MSH4: variants seen among roughly 807,000 people sequenced by gnomAD.
The protein encoded by MSH4 is mutS protein homolog 4.
A neutral mutation model predicts 113.7 loss-of-function variants in MSH4; 106 were observed. The observed-to-expected ratio is 0.93, with a 90% CI of 0.80 to 1.10. The LOEUF (loss-of-function observed/expected upper bound fraction) is 1.10. Among genes scored for constraint, MSH4 ranks in the 50% least tolerant of loss-of-function variants. The pLI is 0.00. For synonymous variants in MSH4, 368 were observed against 380.2 expected (o/e 0.97, Z 0.37); for missense variants, 1,061 against 1,093.7 (o/e 0.97, Z 0.42).
Position 75,876,442 on chromosome 1 carries a change from CTCT to C in MSH4, c.1306-486_1306-484del, listed in dbSNP as rs1651819520. Among the ~76,000 whole-genome samples, 3 of 152,134 alleles carry C rather than the reference CTCT, an allele frequency of 2.0e-5. No homozygotes were observed. In the South Asian group the frequency reaches 6.2e-4, roughly 32 times the overall value. On this transcript the variant is annotated intron_variant, in intron 9 of 19. Transcript: ENST00000263187. ...ATAATGGCCAGGCTAAATATGCTTT[CTCT>C]TCTTCTTTTCTGTTTATTTAGTTAG...
intron 9 of MSH4, among the ~76,000 whole-genome samples, chr1:75,875,097 T>C (rs2100567640): frequency 1.3e-5 from 2 of 152,180 alleles, no homozygotes; most frequent in East Asian, 3.9e-4. Flanking sequence ...TTTCGCCATG[T>C]TGGCCACACT....
At chr1:75,880,816 GAA>G (rs1263245949) in intron 13 of MSH4, among the ~76,000 whole-genome samples, 1 of 151,824 alleles carries the variant, frequency 6.6e-6, no homozygotes, top group Non-Finnish European at 1.5e-5. Flanking sequence ...GAACGAGAGA[GAA>G]AGAAAAAATG....
intron 4 of MSH4, among the ~76,000 whole-genome samples, chr1:75,813,408 G>A (rs1223101018): frequency 1.3e-5 from 2 of 152,166 alleles, no homozygotes; most frequent in Non-Finnish European, 2.9e-5. Context: ...CTTAAGAATA[G>A]AGAAGTCAGA....
At chr1:75,907,689 C>CATACATATATATATATATAT (rs1652694198) in intron 19 of MSH4, among the ~76,000 whole-genome samples, 1 of 78,622 alleles carries the variant, frequency 1.3e-5, no homozygotes, top group African/African-American at 5.9e-5. Context: ...TCTCTCTATA[C>CATACATATATATATATATAT]ATATATATAT....
At chr1:75,833,494 A>G (rs1029827754) in intron 7 of MSH4, among the ~76,000 whole-genome samples, 34 of 152,182 alleles carry the variant, frequency 2.2e-4, no homozygotes, top group African/African-American at 8.0e-4. Context: ...CCTAAACCAA[A>G]AGAACAAAGA....
At chr1:75,859,850 T>C (rs1651412815) in intron 8 of MSH4, among the ~76,000 whole-genome samples, 1 of 152,210 alleles carries the variant, frequency 6.6e-6, no homozygotes, top group Non-Finnish European at 1.5e-5. Flanking sequence ...TGTCTAATAT[T>C]GACAGTGGTG....
Position 75,867,549 on chromosome 1 carries a change from A to T in MSH4, c.1266A>T (p.Ile422=). The change falls in exon 9 of 20, where the codon ATA becomes ATT. Residue 422 remains isoleucine (I), a synonymous_variant. Coordinates refer to ENST00000263187, the MANE Select transcript of MSH4 (RefSeq NM_002440.4). ...NAAESKITNL[I]YLKHTLELVD... is the part of the protein sequence containing the mutation. ...CTGAATCAAAGATAACAAATTTAAT[A>T]TACTTAAAACATACCTTGGAACTTG... 6.2e-7 allele frequency: 1 copy of T among 1,600,218 alleles called. No homozygotes were observed. Among genetic ancestry groups the T allele is most frequent in the Non-Finnish European group, 8.5e-7 (1 of 1,172,500 alleles).
intron 15 of MSH4, among the ~76,000 whole-genome samples, chr1:75,886,719 TG>T (rs1409355257): frequency 7.3e-6 from 1 of 136,066 alleles, no homozygotes; most frequent in Non-Finnish European, 1.5e-5. Context: ...TATATATAAA[TG>T]TATACATTAT....
chr1:75,839,397 T>C (rs1650901352), intron 7 of MSH4, among the ~76,000 whole-genome samples: 1 of 152,034 alleles, frequency 6.6e-6, no homozygotes, highest in Admixed American at 6.6e-5. Context: ...GTATTTTTAA[T>C]AGAGATGGCG....
intron 2 of MSH4, among the ~76,000 whole-genome samples, chr1:75,806,072 G>A (rs2100504977): frequency 6.6e-6 from 1 of 151,906 alleles, no homozygotes; most frequent in African/African-American, 2.4e-5. Flanking sequence ...GATTACTAGT[G>A]AGATTATCTT....
At chr1:75,821,301 G>A (rs1409875097) in intron 6 of MSH4, among the ~76,000 whole-genome samples, 1 of 152,082 alleles carries the variant, frequency 6.6e-6, no homozygotes, top group African/African-American at 2.4e-5. Context: ...GCTCCTGAAT[G>A]ACTACTGGGT....
intron 1 of MSH4, among the ~76,000 whole-genome samples, chr1:75,798,158 C>T (rs975973036): frequency 2.0e-5 from 3 of 152,136 alleles, no homozygotes; most frequent in Admixed American, 6.5e-5. Flanking sequence ...AACAGAGTCT[C>T]GCTATGCTGC....
intron 8 of MSH4, among the ~76,000 whole-genome samples, chr1:75,850,486 T>C (rs1470594856): frequency 1.3e-5 from 2 of 152,132 alleles, no homozygotes; most frequent in African/African-American, 4.8e-5. Context: ...TGTTATTGGT[T>C]TCTAATTTAA....
chr1:75,908,239 G>C (rs1652712865), intron 19 of MSH4, among the ~76,000 whole-genome samples: 1 of 148,108 alleles, frequency 6.8e-6, no homozygotes, highest in African/African-American at 2.5e-5. Flanking sequence ...TCTGCCTCCT[G>C]GGTTCAAGAA....
chr1:75,893,073 G>T (rs1218449588), intron 17 of MSH4, among the ~76,000 whole-genome samples: 2 of 152,198 alleles, frequency 1.3e-5, no homozygotes, highest in Admixed American at 1.3e-4. Context: ...CAGGAAATGT[G>T]CATCACTTCC....
At chr1:75,888,643 T>C (rs1652181619) in intron 15 of MSH4, among the ~76,000 whole-genome samples, 1 of 151,908 alleles carries the variant, frequency 6.6e-6, no homozygotes, top group Non-Finnish European at 1.5e-5. Context: ...GACATAATAA[T>C]TGCACGCATT....
chr1:75,822,699 A>T (rs2100521006), intron 7 of MSH4, 118 bp downstream of exon 7: 2 of 509,060 alleles, frequency 3.9e-6, no homozygotes, highest in Non-Finnish European at 3.2e-6. Flanking sequence ...GTATTCTTTT[A>T]TGGAAAATAT....
At chr1:75,883,889 T>C (rs1181352425) in intron 15 of MSH4, 68 bp downstream of exon 15, 1 of 1,356,080 alleles carries the variant, frequency 7.4e-7, no homozygotes, top group Non-Finnish European at 1.0e-6. Context: ...GCCTAATTTT[T>C]TTAGGGCCAT....
intron 17 of MSH4, among the ~76,000 whole-genome samples, chr1:75,892,228 C>T (rs1652271258): frequency 1.3e-5 from 2 of 152,162 alleles, no homozygotes; most frequent in South Asian, 4.1e-4. Context: ...TTTTCTGGGT[C>T]TGGAACCTGC....
Sources: gnomAD v4.1 joint callset for allele counts (sites outside exome capture counted in the v4.1 genomes callset) on GRCh38, gnomAD v4.1.1 for gene constraint, MANE v1.5 for transcripts, NCBI Gene and HGNC (gene_info 2026-07-23, HGNC 2026-07-21) for gene names.